The following FGGY variants were observed in gnomAD, a reference collection of about 807,000 sequenced individuals.
FGGY encodes FGGY carbohydrate kinase domain containing.
Under a neutral mutation model 71.3 loss-of-function variants are expected in FGGY, and 72 were observed. The ratio of observed to expected loss-of-function variants is 1.01; its 90% CI spans 0.84 to 1.23. The LOEUF (loss-of-function observed/expected upper bound fraction) is 1.23. Ranked by LOEUF, FGGY falls within the 50% of genes most tolerant of loss-of-function variation. FGGY has a pLI of 0.00. For synonymous variants in FGGY, 251 were observed against 250.3 expected, an observed-to-expected ratio of 1.00 and a Z score of -0.02; for missense variants, 668 against 682.3, an observed-to-expected ratio of 0.98 and a Z score of 0.23.
chr1:59,493,801 C>T (rs983856877), intron 6 of FGGY, among the ~76,000 whole-genome samples: 1 of 152,130 alleles, frequency 6.6e-6, no homozygotes, highest in African/African-American at 2.4e-5. Flanking sequence ...TGTTATCTTA[C>T]ATATATTTTA....
chr1:59,337,358 GA>G (rs1387040679), intron 2 of FGGY, among the ~76,000 whole-genome samples: 1 of 152,052 alleles, frequency 6.6e-6, no homozygotes, highest in East Asian at 1.9e-4. Context: ...AGAGAGGGAG[GA>G]AGGTAAGCAA....
chr1:59,594,437 C>T (rs78421629), intron 8 of FGGY, among the ~76,000 whole-genome samples: 8,098 of 152,238 alleles, frequency 0.053, 424 homozygotes, highest in African/African-American at 0.14. Context: ...GTCTTTTACA[C>T]GGGAAGAAGC....
intron 7 of FGGY, among the ~76,000 whole-genome samples, chr1:59,531,461 A>G (rs534999488): frequency 2.6e-5 from 4 of 152,280 alleles, no homozygotes; most frequent in Admixed American, 2.0e-4. Context: ...AATTAAATGT[A>G]TCCACATATT....
At chr1:59,741,113 C>T (rs1034548744) in intron 14 of FGGY, among the ~76,000 whole-genome samples, 7 of 152,158 alleles carry the variant, frequency 4.6e-5, no homozygotes, top group African/African-American at 1.7e-4. Flanking sequence ...TTGGACAGTG[C>T]TGCTGTAAAC....
intron 4 of FGGY, among the ~76,000 whole-genome samples, chr1:59,374,919 G>A (rs1179887409): frequency 1.8e-5 from 2 of 109,326 alleles, no homozygotes; most frequent in Non-Finnish European, 3.7e-5. Context: ...GGGGTGGGGG[G>A]AGGGGGGAGG....
At chr1:59,701,478 T>C (rs1387262889) in intron 14 of FGGY, among the ~76,000 whole-genome samples, 1 of 152,160 alleles carries the variant, frequency 6.6e-6, no homozygotes, top group African/African-American at 2.4e-5. Context: ...CAACCACTCG[T>C]ACTAGGCCCA....
intron 14 of FGGY, among the ~76,000 whole-genome samples, chr1:59,739,657 C>T (rs988038847): frequency 9.2e-5 from 14 of 152,124 alleles, no homozygotes; most frequent in Non-Finnish European, 4.4e-5. Context: ...CTAAAATGTA[C>T]GTGGAAGGGC....
chr1:59,355,924 A>G, intron 4 of FGGY, among the ~76,000 whole-genome samples: 1 of 152,296 alleles, frequency 6.6e-6, no homozygotes, highest in East Asian at 1.9e-4. Context: ...GTGCTTGGAA[A>G]AAAAAAATAA....
rs371073069 is a variant in FGGY, at chr1:59,762,725, C to T, written c.*141C>T. 303 of 639,010 alleles carry T rather than the reference C, an allele frequency of 4.7e-4. 1 individual carries two copies. The highest frequency in any genetic ancestry group is 4.7e-3 in the African/African-American group (256 of 54,394). The allele number at this position is 639,010 out of a possible 1,614,324, so 39.6% of individuals were successfully genotyped here. A position where few individuals can be genotyped will look rare whatever the true frequency, so the allele number is the denominator to read the frequency against. Reference sequence around the variant, plus strand: ...CAATAAAGAAAACAAACATGTGCAACCAGAATTAGAGTCTTCATTTCAAAA... The same window carrying T: ...CAATAAAGAAAACAAACATGTGCAATCAGAATTAGAGTCTTCATTTCAAAA... On this transcript the variant is annotated 3_prime_UTR_variant, in exon 16 of 16. Coordinates refer to ENST00000303721, the MANE Select transcript of FGGY (RefSeq NM_018291.5).
At chr1:59,481,527 G>A (rs1237768454) in intron 6 of FGGY, among the ~76,000 whole-genome samples, 1 of 152,104 alleles carries the variant, frequency 6.6e-6, no homozygotes, top group Non-Finnish European at 1.5e-5. Context: ...CAAGAGGGGA[G>A]TAAAAGGGCA....
intron 5 of FGGY, among the ~76,000 whole-genome samples, chr1:59,448,946 A>G (rs547741686): frequency 1.3e-5 from 2 of 152,168 alleles, no homozygotes; most frequent in Admixed American, 6.5e-5. Flanking sequence ...TTTCATCACC[A>G]TGGGCTGCTG....
At chr1:59,538,051 T>C (rs1407471544) in intron 7 of FGGY, among the ~76,000 whole-genome samples, 5 of 152,124 alleles carry the variant, frequency 3.3e-5, no homozygotes, top group African/African-American at 1.2e-4. Flanking sequence ...ACCATCAGAC[T>C]GAACAGGCAA....
At chr1:59,370,850 A>C (rs892451628) in intron 4 of FGGY, among the ~76,000 whole-genome samples, 8 of 151,732 alleles carry the variant, frequency 5.3e-5, no homozygotes, top group African/African-American at 1.9e-4. Flanking sequence ...ACAGACAAGC[A>C]AATGCTGAGA....
At chr1:59,592,861 A>T (rs1405270389) in intron 8 of FGGY, among the ~76,000 whole-genome samples, 1 of 152,190 alleles carries the variant, frequency 6.6e-6, no homozygotes. Flanking sequence ...GGTGTAGCAC[A>T]CCAGCATGGC....
At chr1:59,346,102 C>A in intron 3 of FGGY, 145 bp from the exon 4 acceptor site, 1 of 1,021,634 alleles carries the variant, frequency 9.8e-7, no homozygotes, top group Non-Finnish European at 1.4e-6. Flanking sequence ...CTCAGCCTTG[C>A]TGGTGTCCTT....
At chr1:59,342,291 G>C (rs835393) in intron 3 of FGGY, among the ~76,000 whole-genome samples, 61,842 of 151,916 alleles carry the variant, frequency 0.41, 13,086 homozygotes, top group African/African-American at 0.51. Flanking sequence ...AATCACTGGG[G>C]ACAGATTAAC....
chr1:59,349,146 A>G (rs77931626), intron 4 of FGGY, among the ~76,000 whole-genome samples: 2,359 of 152,278 alleles, frequency 0.015, 44 homozygotes, highest in African/African-American at 0.054. Context: ...TTTCCCAAAC[A>G]GGTGATAGAG....
chr1:59,692,775 G>A (rs1486999655), intron 14 of FGGY, among the ~76,000 whole-genome samples: 2 of 152,156 alleles, frequency 1.3e-5, no homozygotes, highest in Non-Finnish European at 1.5e-5. Flanking sequence ...CTAATTGATG[G>A]CAGATGTTGA....
At position 59,629,290 on chromosome 1, in the gene FGGY, T is replaced by C. The variant is rs556270559; in HGVS notation, c.1073+3241T>C. On this transcript the variant is annotated intron_variant, in intron 10 of 15. Transcript: ENST00000303721. ...AGACATTTCCATTCTACTAAGTGAC[T>C]TACATTCTAATAGGATCAGCACACC... Among the ~76,000 whole-genome samples, 190 of 152,288 alleles carry C rather than the reference T, an allele frequency of 1.2e-3. 1 individual carries two copies. Among genetic ancestry groups the C allele is most frequent in the African/African-American group, 4.5e-3 (185 of 41,558 alleles).
Sources: allele counts gnomAD v4.1 joint callset (sites outside exome capture counted in the v4.1 genomes callset), GRCh38; gene constraint gnomAD v4.1.1; transcripts MANE v1.5; gene names NCBI Gene and HGNC (gene_info 2026-07-23, HGNC 2026-07-21).